Variants in ASTN2 observed in about 807,000 individuals in gnomAD.
ASTN2 encodes the protein astrotactin 2.
ASTN2 carries 54 observed loss-of-function variants against 139.8 expected under a neutral mutation model. The observed-to-expected ratio is 0.39, with a 90% confidence interval of 0.31 to 0.48. The LOEUF (loss-of-function observed/expected upper bound fraction) is 0.48, where lower values mean the gene tolerates loss of function less well. Among genes scored for constraint, ASTN2 ranks in the 20% least tolerant of loss-of-function variants. The pLI, the probability that ASTN2 is intolerant of heterozygous loss-of-function variation, is 0.95. For missense variants in ASTN2, 1,565 were observed against 1,725.1 expected (o/e 0.91, Z 1.64); for synonymous variants, 756 against 719.5 (o/e 1.05, Z -0.81).
chr9:117,387,173 C>T (rs1830422079), intron 1 of ASTN2, among the ~76,000 whole-genome samples: 1 of 152,178 alleles, frequency 6.6e-6, no homozygotes, highest in Non-Finnish European at 1.5e-5. Context: ...AGCTGAGCAC[C>T]TGGTATACAG....
intron 10 of ASTN2, among the ~76,000 whole-genome samples, chr9:116,896,519 A>G (rs769633975): frequency 4.6e-5 from 7 of 152,030 alleles, no homozygotes; most frequent in Admixed American, 2.0e-4. Context: ...GGGTTTCACC[A>G]TGTTGGCCAG....
chr9:116,548,161 G>A (rs1852185155), intron 19 of ASTN2, among the ~76,000 whole-genome samples: 1 of 152,208 alleles, frequency 6.6e-6, no homozygotes, highest in South Asian at 2.1e-4. Flanking sequence ...CTGGCTTAAT[G>A]GGGCTGTGTC....
chr9:117,121,694 C>A (rs1056418088), intron 4 of ASTN2, among the ~76,000 whole-genome samples: 1 of 152,172 alleles, frequency 6.6e-6, no homozygotes, highest in African/African-American at 2.4e-5. Context: ...ATATCTGAGA[C>A]GGACTAATTC....
chr9:116,472,951 A>G (rs908070212), intron 20 of ASTN2, among the ~76,000 whole-genome samples: 2 of 148,556 alleles, frequency 1.3e-5, no homozygotes, highest in African/African-American at 2.5e-5. Flanking sequence ...AAAAAGAATC[A>G]TGGTTCTGCC....
At chr9:116,706,666 C>T (rs1320815624) in intron 16 of ASTN2, among the ~76,000 whole-genome samples, 1 of 151,890 alleles carries the variant, frequency 6.6e-6, no homozygotes, top group Admixed American at 6.6e-5. Flanking sequence ...TGACTAAACA[C>T]TTTATGCAAC....
At chr9:116,749,262 AAC>A (rs2063908611) in intron 13 of ASTN2, among the ~76,000 whole-genome samples, 1 of 152,200 alleles carries the variant, frequency 6.6e-6, no homozygotes, top group Non-Finnish European at 1.5e-5. Context: ...ATTTTAATTT[AAC>A]ACACTCAAAA....
intron 13 of ASTN2, among the ~76,000 whole-genome samples, chr9:116,778,583 G>A (rs1277943283): frequency 6.6e-6 from 1 of 152,092 alleles, no homozygotes; most frequent in Non-Finnish European, 1.5e-5. Flanking sequence ...GAATAAAACT[G>A]TTCTCAGGAT....
chr9:116,881,528 A>G (rs1015252927), intron 10 of ASTN2, among the ~76,000 whole-genome samples: 1 of 152,198 alleles, frequency 6.6e-6, no homozygotes, highest in Non-Finnish European at 1.5e-5. Flanking sequence ...ACCTCTCAGG[A>G]CTGATATTAA....
chr9:116,610,342 C>T (rs1253652710), intron 19 of ASTN2, among the ~76,000 whole-genome samples: 3 of 152,150 alleles, frequency 2.0e-5, no homozygotes, highest in Non-Finnish European at 4.4e-5. Flanking sequence ...CGGTGGCTCA[C>T]ACCTATAATC....
rs1323314127 is a variant in ASTN2, at chr9:117,160,668, G to T, written c.1016-19190C>A. Among the ~76,000 whole-genome samples the T allele has an allele frequency of 2.6e-5, 4 of 151,494 alleles. No individual in the cohort carries two copies. In the East Asian group the frequency reaches 7.8e-4, roughly 30 times the overall value. ...TTTCTATTTCATTAACTTTTATATTGCCCATACCTAAAACACTGACTAGAA... is the reference window on the plus strand; with the variant it reads ...TTTCTATTTCATTAACTTTTATATTTCCCATACCTAAAACACTGACTAGAA... On this transcript the variant is annotated intron_variant, in intron 3 of 22. Coordinates refer to ENST00000313400, the MANE Select transcript of ASTN2 (RefSeq NM_001365068.1).
Position 116,740,408 on chromosome 9 carries a change from T to C in ASTN2, c.2397-6885A>G, listed in dbSNP as rs138386102. On this transcript the variant is annotated intron_variant, in intron 13 of 22. Coordinates refer to ENST00000313400, the MANE Select transcript of ASTN2 (RefSeq NM_001365068.1). ...ATTCTAGCTGTGTGACCTTCAGGAG[T>C]ATCACTTCAAATTTTATGATCCTTA... is the stretch of plus-strand genomic sequence containing the variant. Among the ~76,000 whole-genome samples the C allele has an allele frequency of 4.3e-3, 648 of 152,278 alleles. 11 individuals are homozygous for C. The highest frequency in any genetic ancestry group is 0.036 in the Admixed American group (543 of 15,288).
intron 22 of ASTN2, among the ~76,000 whole-genome samples, chr9:116,439,794 T>C (rs935110231): frequency 6.6e-6 from 1 of 152,214 alleles, no homozygotes; most frequent in East Asian, 1.9e-4. Flanking sequence ...CAGATGCCTA[T>C]GTCTCATGTA....
At chr9:117,233,941 A>G (rs919547889) in intron 2 of ASTN2, among the ~76,000 whole-genome samples, 13 of 152,100 alleles carry the variant, frequency 8.5e-5, no homozygotes, top group Admixed American at 4.6e-4. Flanking sequence ...ATTTGATAGG[A>G]CTCTACTCTT....
intron 1 of ASTN2, among the ~76,000 whole-genome samples, chr9:117,321,172 G>T (rs1564145077): frequency 6.6e-6 from 1 of 152,212 alleles, no homozygotes; most frequent in Non-Finnish European, 1.5e-5. Flanking sequence ...CCAACACTTT[G>T]AACAGTGGCT....
intron 3 of ASTN2, among the ~76,000 whole-genome samples, chr9:117,186,286 C>T (rs1349159471): frequency 1.3e-5 from 2 of 152,296 alleles, no homozygotes; most frequent in Middle Eastern, 3.4e-3. Flanking sequence ...GTGGCCCACG[C>T]CTGTAATCCC....
At chr9:116,560,878 A>T (rs957879807) in intron 19 of ASTN2, among the ~76,000 whole-genome samples, 1 of 152,232 alleles carries the variant, frequency 6.6e-6, no homozygotes, top group Non-Finnish European at 1.5e-5. Flanking sequence ...GCTTCTCAGA[A>T]AAAGTTAAAG....
intron 1 of ASTN2, among the ~76,000 whole-genome samples, chr9:117,292,428 T>A (rs181019993): frequency 3.3e-5 from 5 of 152,302 alleles, no homozygotes; most frequent in African/African-American, 1.2e-4. Context: ...TCCCCTTGAC[T>A]AAAGGTGTAT....
intron 10 of ASTN2, among the ~76,000 whole-genome samples, chr9:116,949,272 G>A (rs1835491439): frequency 6.6e-6 from 1 of 152,104 alleles, no homozygotes; most frequent in African/African-American, 2.4e-5. Flanking sequence ...CTAGTATGTA[G>A]CACCTGTTTA....
At chr9:116,793,211 T>C (rs1830602806) in intron 13 of ASTN2, among the ~76,000 whole-genome samples, 1 of 152,334 alleles carries the variant, frequency 6.6e-6, no homozygotes, top group South Asian at 2.1e-4. Context: ...GATATATTAG[T>C]ATGCTCAGAC....
Sources: gnomAD v4.1 joint callset for allele counts (sites outside exome capture counted in the v4.1 genomes callset) on GRCh38, gnomAD v4.1.1 for gene constraint, MANE v1.5 for transcripts, NCBI Gene and HGNC (gene_info 2026-07-23, HGNC 2026-07-21) for gene names.